PIAS4: variants seen among roughly 807,000 people sequenced by gnomAD.
PIAS4 encodes E3 SUMO-protein ligase PIAS4.
PIAS4 carries 7 observed loss-of-function variants against 58.0 expected under a neutral mutation model. The ratio of observed to expected loss-of-function variants is 0.12; its 90% CI spans 0.07 to 0.23. PIAS4 has a LOEUF of 0.23. Ranked by LOEUF, PIAS4 falls within the 10% of genes least tolerant of loss-of-function variation. The pLI is 1.00. For synonymous variants in PIAS4, 364 were observed against 312.4 expected (o/e 1.17, Z -1.74); for missense variants, 550 against 709.5 (o/e 0.78, Z 2.55).
chr19:4,014,265 T>C (rs958901960), intron 2 of PIAS4, among the ~76,000 whole-genome samples: 7 of 152,114 alleles, frequency 4.6e-5, no homozygotes, highest in African/African-American at 1.2e-4. Flanking sequence ...CAGGACCTCA[T>C]AGCCCACAGC....
At chr19:4,029,099 C>T in intron 7 of PIAS4, 63 bp downstream of exon 7, 4 of 1,230,830 alleles carry the variant, frequency 3.2e-6, no homozygotes, top group Non-Finnish European at 4.6e-6. Flanking sequence ...CCGCCCTGTG[C>T]TGGGTGAAGC....
At chr19:4,024,230 C>G in intron 3 of PIAS4, 110 bp downstream of exon 3, 2 of 789,996 alleles carry the variant, frequency 2.5e-6, no homozygotes, top group Non-Finnish European at 4.4e-6. Context: ...CGCTCGGGCT[C>G]AGTCCAGAAC....
Position 4,012,393 on chromosome 19 carries a change from C to T in PIAS4, c.28-530C>T, listed in dbSNP as rs139163861. Among the ~76,000 whole-genome samples, 281 of 152,182 alleles carry T rather than the reference C, an allele frequency of 1.8e-3. 2 individuals carry two copies. Among genetic ancestry groups the T allele is most frequent in the Middle Eastern group, 3.4e-3 (1 of 294 alleles). ...AGAGTTAAATATATAATCACATGAC[C>T]GGCTTGGTTCCCGGCAGGTGATTAG... On this transcript the variant is annotated intron_variant, in intron 1 of 10. Transcript: ENST00000262971.
At position 4,033,167 on chromosome 19, in the gene PIAS4, C is replaced by G. The variant is rs1314199880; in HGVS notation, c.975C>G (p.Ile325Met). 1.2e-6 allele frequency: 2 copies of G among 1,609,740 alleles called. No homozygotes were observed. Among genetic ancestry groups the G allele is most frequent in the Non-Finnish European group, 1.7e-6 (2 of 1,179,402 alleles). Residue 325 changes from isoleucine to methionine, a missense_variant, in exon 8 of 11, where the codon ATC becomes ATG. Ile to Met is a conservative substitution (Grantham distance 10). Transcript: ENST00000262971. ...CCACCGGTGTGCGGGTGTCCCTCAT[C>G]TGTCCGGTGAGTCGGGGCGCGGTCC... ...IATTGVRVSLICPLVKMRLSV... is the reference protein window; with the variant it reads ...IATTGVRVSLMCPLVKMRLSV...
chr19:4,026,304 T>C (rs2040164097), intron 3 of PIAS4, among the ~76,000 whole-genome samples: 1 of 148,168 alleles, frequency 6.7e-6, no homozygotes, highest in Non-Finnish European at 1.5e-5. Context: ...GGCTAATTTT[T>C]GTATTTTTAG....
rs375800297 is a variant in PIAS4 at position 4,033,578 on chromosome 19, C to T, written c.1140C>T (p.Asp380=). The part of the protein sequence containing the change: ...KPAPYDQLII[D]GLLSKILSEC... ...CCCCCTACGACCAGCTCATCATCGA[C>T]GGGTGAGCCCGGGGCCCCGGGGAGG... The change falls in exon 9 of 11, where the codon GAC becomes GAT. Residue 380 remains aspartate, a splice_region_variant and synonymous_variant. Coordinates refer to ENST00000262971, the MANE Select transcript of PIAS4 (RefSeq NM_015897.4). 7.5e-6 allele frequency: 12 copies of T among 1,600,856 alleles called. No individual in the cohort carries two copies. Among genetic ancestry groups the T allele is most frequent in the East Asian group, 4.5e-5 (2 of 44,390 alleles).
chr19:4,028,131 G>T lies in PIAS4; in HGVS notation c.540-15G>T. 8 of 1,613,526 alleles carry T rather than the reference G, an allele frequency of 5.0e-6. No homozygotes were observed. Among genetic ancestry groups the T allele is most frequent in the Non-Finnish European group, 6.8e-6 (8 of 1,179,810 alleles). ...GCTCTCCTTTCCTTTCCTCTGGTTT[G>T]CTCCACACCCACAGGGAACTGCAGC... On this transcript the variant is annotated splice_polypyrimidine_tract_variant and intron_variant, in intron 3 of 10. Transcript: ENST00000262971.
chr19:4,033,357 G>A, intron 8 of PIAS4, 63 bp from the exon 9 acceptor site: 1 of 1,472,346 alleles, frequency 6.8e-7, no homozygotes, highest in Non-Finnish European at 9.2e-7. Flanking sequence ...CTGGGGGTGA[G>A]GGGCACCGGG....
intron 1 of PIAS4, among the ~76,000 whole-genome samples, chr19:4,010,328 TG>T (rs2144902501): frequency 1.3e-5 from 2 of 152,306 alleles, no homozygotes; most frequent in East Asian, 3.9e-4. Context: ...CCAGCCTGGG[TG>T]GGGCAGGGGC....
rs141113403 is a variant in PIAS4 at position 4,028,595 on chromosome 19, G to A, written c.667G>A (p.Val223Ile). ...AVKVNHSYCS[V>I]PGYYPSNKPG... ...GAAGGTCAACCACAGCTACTGCTCC[G>A]TCCCGGTGAGCATGCCCCGCCCCCG... Residue 223 changes from valine to isoleucine, a missense_variant, in exon 5 of 11, where the codon GTC becomes ATC. Coordinates refer to ENST00000262971, the MANE Select transcript of PIAS4 (RefSeq NM_015897.4). 2.8e-4 allele frequency: 459 copies of A among 1,612,632 alleles called. No homozygotes were observed. The highest frequency in any genetic ancestry group is 3.6e-4 in the Non-Finnish European group (429 of 1,179,754).
rs1486403365 is a variant in PIAS4 at position 4,033,404 on chromosome 19, A to G, written c.982-16A>G. 1.3e-6 allele frequency: 2 copies of G among 1,545,250 alleles called. No individual in the cohort carries two copies. Among genetic ancestry groups the G allele is most frequent in the African/African-American group, 2.7e-5 (2 of 73,126 alleles). On this transcript the variant is annotated splice_polypyrimidine_tract_variant and intron_variant, in intron 8 of 10. Transcript: ENST00000262971. ...AACAGGAGGGGTGCCCTGCTCACGC[A>G]GCCCCTCCCCCACAGCTGGTGAAGA... is the stretch of plus-strand genomic sequence containing the variant.
chr19:4,010,776 C>T (rs1198235424), intron 1 of PIAS4, among the ~76,000 whole-genome samples: 1 of 152,228 alleles, frequency 6.6e-6, no homozygotes, highest in East Asian at 1.9e-4. Context: ...GCGACACAGG[C>T]CTTGCTGGTG....
Position 4,038,475 on chromosome 19 carries a change from A to G in PIAS4, c.*600A>G. On this transcript the variant is annotated 3_prime_UTR_variant, in exon 11 of 11. Coordinates refer to ENST00000262971, the MANE Select transcript of PIAS4 (RefSeq NM_015897.4). This position sits in a 1 kb window ranked among gnomAD's most constrained non-coding sequence, Gnocchi z 4.1. ...TAGGGTGGGGGGATGGGTGGGCAGGATGGGGGTACAGTGGGCGGCTGGGGA... is the reference window on the plus strand; with the variant it reads ...TAGGGTGGGGGGATGGGTGGGCAGGGTGGGGGTACAGTGGGCGGCTGGGGA... The G allele has an allele frequency of 7.8e-6, 1 of 128,904 alleles. No individual in the cohort carries two copies. The highest frequency in any genetic ancestry group is 3.0e-5 in the African/African-American group (1 of 32,906). 8.0% of individuals were successfully genotyped at this position (128,904 alleles called of 1,614,324 possible).
chr19:4,018,243 C>T (rs1020884340), intron 2 of PIAS4, among the ~76,000 whole-genome samples: 23 of 152,368 alleles, frequency 1.5e-4, no homozygotes, highest in Non-Finnish European at 3.1e-4. Context: ...TGGGCCGCCT[C>T]GGTACACCGG....
At chr19:4,031,841 G>A (rs1221481410) in intron 7 of PIAS4, among the ~76,000 whole-genome samples, 3 of 152,214 alleles carry the variant, frequency 2.0e-5, no homozygotes, top group Admixed American at 6.5e-5. Flanking sequence ...CACAAAGGAG[G>A]GAGAGTTTGC....
intron 2 of PIAS4, among the ~76,000 whole-genome samples, chr19:4,014,304 A>T (rs2040030018): frequency 6.6e-6 from 1 of 152,050 alleles, no homozygotes; most frequent in Non-Finnish European, 1.5e-5. Flanking sequence ...GTGCCTCCCC[A>T]GCAGCCGTGG....
At chr19:4,025,156 G>A (rs1867694) in intron 3 of PIAS4, among the ~76,000 whole-genome samples, 140,657 of 152,302 alleles carry the variant, frequency 0.92, 64,991 homozygotes, top group East Asian at 0.96. Flanking sequence ...CGGTGGGGCC[G>A]TCCTGGGCAC....
chr19:4,021,322 T>C (rs779479054), intron 2 of PIAS4, among the ~76,000 whole-genome samples: 30 of 152,106 alleles, frequency 2.0e-4, no homozygotes, highest in Non-Finnish European at 4.3e-4. Flanking sequence ...CTAATTTTTG[T>C]ATTTTTAGTA....
chr19:4,032,124 C>T (rs533490934), intron 7 of PIAS4, among the ~76,000 whole-genome samples: 7 of 151,644 alleles, frequency 4.6e-5, no homozygotes, highest in African/African-American at 9.7e-5. Context: ...GGCTCCCAAG[C>T]GGGCAGAGAT....
Sources: gnomAD v4.1 joint callset for allele counts (sites outside exome capture counted in the v4.1 genomes callset) on GRCh38, gnomAD v4.1.1 for gene constraint, Gnocchi (gnomAD v3.1) non-coding constraint, MANE v1.5 for transcripts, NCBI Gene and HGNC (gene_info 2026-07-23, HGNC 2026-07-21) for gene names.